The following DLGAP2 variants were observed in gnomAD, a reference collection of about 807,000 sequenced individuals.
DLGAP2 encodes DLG associated protein 2, also known as disks large-associated protein 2.
A neutral mutation model predicts 100.3 loss-of-function variants in DLGAP2; 26 were observed. That is an observed-to-expected ratio of 0.26 (90% confidence interval 0.19 to 0.36). The LOEUF (loss-of-function observed/expected upper bound fraction) is 0.36, where lower values mean the gene tolerates loss of function less well. Among genes scored for constraint, DLGAP2 ranks in the 10% least tolerant of loss-of-function variants. The pLI is 1.00. For synonymous variants in DLGAP2, 886 were observed against 630.1 expected (o/e 1.41, Z -6.08); for missense variants, 1,858 against 1,453.2 (o/e 1.28, Z -4.53).
chr8:1,492,834 C>G (rs1185945130), intron 3 of DLGAP2, among the ~76,000 whole-genome samples: 2 of 152,188 alleles, frequency 1.3e-5, no homozygotes, highest in Non-Finnish European at 2.9e-5. Flanking sequence ...CCACGGAGAG[C>G]TGCGGGACAG....
rs922796992 is a variant in DLGAP2 at position 782,054 on chromosome 8, A to G, written c.18+44229A>G. On this transcript the variant is annotated intron_variant, in intron 1 of 14. Transcript: ENST00000637795. The stretch of plus-strand genomic sequence containing the variant: ...TAACATTAATTGATTGTACATTTCA[A>G]AATACCTGGAAGAGAAAAATTTGAA... 2.6e-5 allele frequency among the ~76,000 whole-genome samples: 4 copies of G among 152,178 alleles called. No homozygotes were observed. The East Asian group carries it at 7.7e-4, about 29-fold the overall frequency.
intron 3 of DLGAP2, among the ~76,000 whole-genome samples, chr8:1,267,758 T>C (rs1458343807): frequency 6.6e-6 from 1 of 152,126 alleles, no homozygotes; most frequent in Non-Finnish European, 1.5e-5. Context: ...ATCCCTTCCC[T>C]TTTTCTCCTC....
intron 3 of DLGAP2, among the ~76,000 whole-genome samples, chr8:1,263,997 T>G (rs1799402341): frequency 6.6e-6 from 1 of 152,168 alleles, no homozygotes; most frequent in Non-Finnish European, 1.5e-5. Flanking sequence ...GGTTAGGGTT[T>G]TGGTGGAAAT....
At position 1,549,696 on chromosome 8, in the gene DLGAP2, A is replaced by G. The variant is rs777902788; in HGVS notation, c.1230+13A>G. 2.0e-6 allele frequency: 3 copies of G among 1,534,624 alleles called. No homozygotes were observed. The highest frequency in any genetic ancestry group is 2.6e-6 in the Non-Finnish European group (3 of 1,138,684). On this transcript the variant is annotated intron_variant, in intron 5 of 14. Coordinates refer to ENST00000637795, the MANE Select transcript of DLGAP2 (RefSeq NM_001346810.2). ...CCACTACCTCCAGGTAAGCAGGCTC[A>G]CGGCCCTGTGGAGGCCGTCTCGGCA...
intron 2 of DLGAP2, among the ~76,000 whole-genome samples, chr8:1,250,783 C>G (rs1799021905): frequency 6.6e-6 from 1 of 152,268 alleles, no homozygotes; most frequent in Non-Finnish European, 1.5e-5. Flanking sequence ...AAGGAACTGT[C>G]CTACACACGA....
At chr8:975,219 A>AT (rs1211870552) in intron 2 of DLGAP2, among the ~76,000 whole-genome samples, 2 of 152,238 alleles carry the variant, frequency 1.3e-5, no homozygotes, top group African/African-American at 4.8e-5. Context: ...GAACAGGCCT[A>AT]TATCTATTAA....
At chr8:1,637,925 G>C (rs1045505888) in intron 8 of DLGAP2, among the ~76,000 whole-genome samples, 2 of 152,188 alleles carry the variant, frequency 1.3e-5, no homozygotes, top group African/African-American at 4.8e-5. Context: ...GAGTTGAGAG[G>C]CTTCAGGGCT....
intron 3 of DLGAP2, among the ~76,000 whole-genome samples, chr8:1,480,994 A>G (rs1321098884): frequency 6.6e-6 from 1 of 151,984 alleles, no homozygotes; most frequent in East Asian, 1.9e-4. Flanking sequence ...AACATGGTGA[A>G]ACCCCATCTC....
intron 6 of DLGAP2, among the ~76,000 whole-genome samples, chr8:1,595,625 C>G (rs1279934438): frequency 2.7e-5 from 4 of 147,714 alleles, no homozygotes; most frequent in Non-Finnish European, 5.9e-5. Context: ...CGAGATTGCG[C>G]CACTGCAGTC....
intron 2 of DLGAP2, among the ~76,000 whole-genome samples, chr8:1,020,292 C>G (rs751865240): frequency 6.6e-5 from 10 of 152,210 alleles, no homozygotes; most frequent in Admixed American, 2.6e-4. Context: ...CCGTTAATTG[C>G]TAACCTGAGA....
At chr8:1,412,072 G>C (rs1796747605) in intron 3 of DLGAP2, among the ~76,000 whole-genome samples, 1 of 152,238 alleles carries the variant, frequency 6.6e-6, no homozygotes, top group African/African-American at 2.4e-5. Context: ...TGGAGTCACT[G>C]CCCTTTCTCC....
intron 3 of DLGAP2, among the ~76,000 whole-genome samples, chr8:1,388,662 G>C (rs557408044): frequency 3.6e-5 from 3 of 83,918 alleles, no homozygotes; most frequent in Admixed American, 1.1e-4. Context: ...GGCAGACGCC[G>C]TGGAAGAGGA....
At chr8:753,299 G>A (rs1367180257) in intron 1 of DLGAP2, among the ~76,000 whole-genome samples, 2 of 152,164 alleles carry the variant, frequency 1.3e-5, no homozygotes, top group Non-Finnish European at 2.9e-5. Flanking sequence ...CACCAGTGCC[G>A]GGAGGTCAGG....
intron 2 of DLGAP2, among the ~76,000 whole-genome samples, chr8:1,086,125 A>G (rs1007769683): frequency 6.6e-6 from 1 of 152,118 alleles, no homozygotes; most frequent in African/African-American, 2.4e-5. Context: ...ATATCCTGCC[A>G]TTTTACCACA....
At chr8:1,267,566 A>AATAATATAATATAAT (rs1157314060) in intron 3 of DLGAP2, among the ~76,000 whole-genome samples, 1 of 46,890 alleles carries the variant, frequency 2.1e-5, no homozygotes, top group Non-Finnish European at 4.3e-5. Context: ...CTCAAAATAA[A>AATAATATAATATAAT]ATAAAATAAA....
chr8:1,071,009 C>T (rs1001791010), intron 2 of DLGAP2, among the ~76,000 whole-genome samples: 4 of 152,162 alleles, frequency 2.6e-5, no homozygotes, highest in Non-Finnish European at 5.9e-5. Flanking sequence ...AAACAGTGTG[C>T]TGTGGATGAG....
intron 2 of DLGAP2, among the ~76,000 whole-genome samples, chr8:1,171,070 T>C (rs562911551): frequency 1.2e-4 from 18 of 152,296 alleles, no homozygotes; most frequent in Admixed American, 5.9e-4. Context: ...TCCGAGATTC[T>C]GGTATGTTGT....
chr8:1,579,583 C>T (rs1803142892), intron 6 of DLGAP2, among the ~76,000 whole-genome samples: 1 of 151,734 alleles, frequency 6.6e-6, no homozygotes, highest in African/African-American at 2.4e-5. Context: ...GATTGCCTTA[C>T]AAATCAATAA....
chr8:1,188,299 C>T (rs1220653051), intron 2 of DLGAP2, among the ~76,000 whole-genome samples: 1 of 134,202 alleles, frequency 7.5e-6, no homozygotes, highest in African/African-American at 3.0e-5. Context: ...CACAGAATCT[C>T]ACACGCCCGG....
Sources: gnomAD v4.1 joint callset for allele counts (sites outside exome capture counted in the v4.1 genomes callset) on GRCh38, gnomAD v4.1.1 for gene constraint, MANE v1.5 for transcripts, NCBI Gene and HGNC (gene_info 2026-07-23, HGNC 2026-07-21) for gene names.